Variants in LPP observed in about 807,000 individuals in gnomAD.
LPP encodes lipoma-preferred partner.
LPP carries 38 observed loss-of-function variants against 60.4 expected under a neutral mutation model. That is an observed-to-expected ratio of 0.63 (90% CI 0.49 to 0.83). The LOEUF is 0.83. LPP is among the 40% of genes least tolerant of loss of function. The pLI is 0.00. For missense variants in LPP, 902 were observed against 783.6 expected (o/e 1.15, Z -1.80); for synonymous variants, 328 against 290.8 (o/e 1.13, Z -1.30).
chr3:188,358,944 G>A (rs1166565457), intron 3 of LPP, among the ~76,000 whole-genome samples: 1 of 152,174 alleles, frequency 6.6e-6, no homozygotes, highest in Non-Finnish European at 1.5e-5. Flanking sequence ...TCTATTAGGT[G>A]CTGACAGTGC....
intron 7 of LPP, among the ~76,000 whole-genome samples, chr3:188,701,261 C>A (rs1043435551): frequency 6.6e-6 from 1 of 151,792 alleles, no homozygotes; most frequent in Non-Finnish European, 1.5e-5. Flanking sequence ...GGATTTAGAC[C>A]CAGATTTGGC....
chr3:188,708,488 A>G (rs1193719671), intron 8 of LPP, 95 bp downstream of exon 8: 4 of 1,541,296 alleles, frequency 2.6e-6, no homozygotes, highest in Admixed American at 3.4e-5. Flanking sequence ...CTGGTAAAGT[A>G]TTTGAGTCCA....
intron 1 of LPP, among the ~76,000 whole-genome samples, chr3:188,201,155 C>A (rs1043745482): frequency 6.6e-6 from 1 of 152,092 alleles, no homozygotes; most frequent in African/African-American, 2.4e-5. Context: ...TGGACCTGTC[C>A]CTGAGCTGGA....
chr3:188,195,143 C>T (rs1279826308), intron 1 of LPP, among the ~76,000 whole-genome samples: 1 of 151,976 alleles, frequency 6.6e-6, no homozygotes, highest in African/African-American at 2.4e-5. Context: ...GCTATAATCC[C>T]AGCTACTCAG....
intron 4 of LPP, among the ~76,000 whole-genome samples, chr3:188,412,970 T>C (rs567249105): frequency 5.9e-5 from 9 of 152,228 alleles, no homozygotes; most frequent in South Asian, 4.1e-4. Context: ...CTAAATGCAC[T>C]CATTCAGCTG....
chr3:188,688,868 T>C (rs1269153257), intron 7 of LPP: 1 of 520,802 alleles, frequency 1.9e-6, no homozygotes, highest in Middle Eastern at 3.9e-4. Context: ...GCAGGCACTT[T>C]CGTTCATCTG....
intron 1 of LPP, among the ~76,000 whole-genome samples, chr3:188,154,694 A>G (rs1304547059): frequency 1.3e-5 from 2 of 152,238 alleles, no homozygotes; most frequent in East Asian, 3.9e-4. Context: ...AGGCCAGACC[A>G]TAATTCAAAT....
chr3:188,825,247 TTCTCTCTC>T (rs61381257), intron 9 of LPP, among the ~76,000 whole-genome samples: 3 of 118,436 alleles, frequency 2.5e-5, no homozygotes, highest in African/African-American at 6.6e-5. Context: ...CAGCCTTTCT[TTCTCTCTC>T]TCTCTCTCTC....
intron 9 of LPP, among the ~76,000 whole-genome samples, chr3:188,811,351 TACAC>T (rs58445393): frequency 0.26 from 38,121 of 144,790 alleles, 5,920 homozygotes; most frequent in East Asian, 0.71. Flanking sequence ...AAGTGCTGTA[TACAC>T]ACACACACAC....
chr3:188,210,118 C>G (rs1176173217), intron 1 of LPP, among the ~76,000 whole-genome samples: 1 of 149,962 alleles, frequency 6.7e-6, no homozygotes, highest in Admixed American at 6.6e-5. Flanking sequence ...ATAAAAAAAC[C>G]AATATAATAT....
At chr3:188,492,902 C>G (rs1288931044) in intron 5 of LPP, among the ~76,000 whole-genome samples, 1 of 152,166 alleles carries the variant, frequency 6.6e-6, no homozygotes, top group Non-Finnish European at 1.5e-5. Context: ...TATGTTGTAA[C>G]ATTTTTAACT....
chr3:188,240,033 T>A (rs547414059), intron 2 of LPP: 2 of 196,114 alleles, frequency 1.0e-5, no homozygotes, highest in South Asian at 1.9e-4. Flanking sequence ...GAGCAAGAAA[T>A]AGAGATGGGA....
chr3:188,474,450 A>G (rs1195954621), intron 4 of LPP, among the ~76,000 whole-genome samples: 1 of 120,794 alleles, frequency 8.3e-6, no homozygotes, highest in African/African-American at 2.9e-5. Context: ...AGCCAAAGAC[A>G]GCAGTGGTGA....
intron 1 of LPP, chr3:188,179,332 C>T (rs770478258): frequency 1.3e-5 from 6 of 458,188 alleles, no homozygotes; most frequent in Non-Finnish European, 2.2e-5. Context: ...TTCATCACAG[C>T]TCTGCGGCCT....
At chr3:188,857,629 G>A (rs1361653904) in intron 9 of LPP, among the ~76,000 whole-genome samples, 1 of 151,984 alleles carries the variant, frequency 6.6e-6, no homozygotes, top group African/African-American at 2.4e-5. Context: ...ATGGATTTGG[G>A]GTATAATAAG....
intron 7 of LPP, among the ~76,000 whole-genome samples, chr3:188,683,471 A>G (rs369921247): frequency 1.6e-4 from 25 of 152,270 alleles, no homozygotes; most frequent in East Asian, 1.4e-3. Flanking sequence ...CCACAACTGG[A>G]AGTTTCTATT....
chr3:188,177,088 G>A (rs969386709), intron 1 of LPP, among the ~76,000 whole-genome samples: 10 of 152,262 alleles, frequency 6.6e-5, no homozygotes, highest in African/African-American at 2.4e-4. Context: ...GGGCTGAGGT[G>A]GAATTGATCT....
intron 7 of LPP, among the ~76,000 whole-genome samples, chr3:188,619,544 A>C (rs1845446505): frequency 6.6e-6 from 1 of 152,190 alleles, no homozygotes; most frequent in Non-Finnish European, 1.5e-5. Context: ...TTTTGTAAAT[A>C]ATGTTTGCTT....
intron 3 of LPP, among the ~76,000 whole-genome samples, chr3:188,343,092 G>C (rs1453282208): frequency 6.6e-6 from 1 of 152,072 alleles, no homozygotes. Flanking sequence ...CATGTGCCAT[G>C]GTGGTTGCTG....
Sources: gnomAD v4.1 joint callset for allele counts (sites outside exome capture counted in the v4.1 genomes callset) on GRCh38, gnomAD v4.1.1 for gene constraint, MANE v1.5 for transcripts, NCBI Gene and HGNC (gene_info 2026-07-23, HGNC 2026-07-21) for gene names.